Variants in SOX13 observed in about 807,000 individuals in gnomAD.
SOX13 encodes the protein transcription factor SOX-13.
A neutral mutation model predicts 71.8 loss-of-function variants in SOX13; 28 were observed. The observed-to-expected ratio is 0.39, with a 90% CI of 0.29 to 0.53. The LOEUF is 0.53. Among genes scored for constraint, SOX13 ranks in the 20% least tolerant of loss-of-function variants. SOX13 has a pLI of 0.70. For missense variants in SOX13, 627 were observed against 810.3 expected, an observed-to-expected ratio of 0.77 and a Z score of 2.75; for synonymous variants, 309 against 317.8, an observed-to-expected ratio of 0.97 and a Z score of 0.29.
At chr1:204,088,359 A>G (rs1656067812) in intron 1 of SOX13, among the ~76,000 whole-genome samples, 1 of 152,138 alleles carries the variant, frequency 6.6e-6, no homozygotes, top group Non-Finnish European at 1.5e-5. Flanking sequence ...ATGACTCCCT[A>G]CGTAGCCTTG....
rs1358256515 is a variant in SOX13 at position 204,107,439 on chromosome 1, C to T, written c.-1-5476C>T. ...ACAGAGCAGTGACCACATAATGACC[C>T]CTCTCTTTCCATCTCACTGCCTTTC... On this transcript the variant is annotated intron_variant, in intron 1 of 13. Transcript: ENST00000367204. 2.0e-5 allele frequency among the ~76,000 whole-genome samples: 3 copies of T among 152,162 alleles called. No individual in the cohort carries two copies. In the East Asian group the frequency reaches 5.8e-4, roughly 29 times the overall value.
At chr1:204,112,500 T>TACACACACACACAC (rs1558218651) in intron 1 of SOX13, among the ~76,000 whole-genome samples, 10 of 51,520 alleles carry the variant, frequency 1.9e-4, no homozygotes, top group African/African-American at 4.7e-4. Flanking sequence ...CACACATGCG[T>TACACACACACACAC]GCACACACAC....
At chr1:204,092,964 G>T (rs1359017343) in intron 1 of SOX13, among the ~76,000 whole-genome samples, 1 of 152,258 alleles carries the variant, frequency 6.6e-6, no homozygotes, top group African/African-American at 2.4e-5. Context: ...ACATTAGAAG[G>T]GTCACATGAG....
intron 1 of SOX13, among the ~76,000 whole-genome samples, chr1:204,100,268 A>G (rs1656333583): frequency 6.6e-6 from 1 of 152,256 alleles, no homozygotes; most frequent in African/African-American, 2.4e-5. Context: ...GTCAGTGCCC[A>G]TGACTCCCTT....
intron 1 of SOX13, among the ~76,000 whole-genome samples, chr1:204,099,891 C>G (rs1231106834): frequency 1.3e-5 from 2 of 152,174 alleles, no homozygotes; most frequent in African/African-American, 2.4e-5. Flanking sequence ...CCTATAACCT[C>G]AGCATTTTGG....
rs896081192 is a variant in SOX13, at chr1:204,081,574, T to C, written c.-2+7863T>C. On this transcript the variant is annotated intron_variant, in intron 1 of 13. Transcript: ENST00000367204. The surrounding 1 kb of genome is among the most constrained non-coding windows in gnomAD (Gnocchi z 4.3). The stretch of plus-strand genomic sequence containing the variant: ...GCCTGGGACTCATGGGGCCTCCTGC[T>C]TTGGCCCTGGCGCCTAGGAAAGGCT... 4.6e-5 allele frequency among the ~76,000 whole-genome samples: 7 copies of C among 152,066 alleles called. No individual in the cohort carries two copies. Among genetic ancestry groups the C allele is most frequent in the Non-Finnish European group, 1.0e-4 (7 of 67,988 alleles).
chr1:204,098,266 T>C (rs1265046595), intron 1 of SOX13, among the ~76,000 whole-genome samples: 2 of 151,948 alleles, frequency 1.3e-5, no homozygotes, highest in African/African-American at 4.8e-5. Context: ...TCACCTGAGG[T>C]CAGGAGTTCG....
In SOX13 at chr1:204,113,146, C is replaced by T. The variant is rs544504183; in HGVS notation, c.219+12C>T. The T allele has an allele frequency of 3.8e-5, 58 of 1,521,420 alleles. No individual in the cohort carries two copies. Among genetic ancestry groups the T allele is most frequent in the Non-Finnish European group, 4.7e-5 (53 of 1,131,586 alleles). The allele number at this position is 1,521,420 out of a possible 1,614,324, so 94.2% of individuals were successfully genotyped here. Reference sequence around the variant, plus strand: ...TCAGGGGCTCCTGGGTCAGTGTCCCCGCCCTGCCTCCATCCTCACACCCAT... The same window carrying T: ...TCAGGGGCTCCTGGGTCAGTGTCCCTGCCCTGCCTCCATCCTCACACCCAT... On this transcript the variant is annotated intron_variant, in intron 2 of 13. Transcript: ENST00000367204.
In SOX13 at chr1:204,093,225, G is replaced by A. The variant is rs866439846; in HGVS notation, c.-2+19514G>A. On this transcript the variant is annotated intron_variant, in intron 1 of 13. Coordinates refer to ENST00000367204, the MANE Select transcript of SOX13 (RefSeq NM_005686.3). ...CTCGAATGCTAGCTGTAGGTAGGGC[G>A]TTCCCAGGTGTGACTGAAATGACAG... is the stretch of plus-strand genomic sequence containing the variant. Among the ~76,000 whole-genome samples the A allele has an allele frequency of 5.9e-5, 9 of 152,272 alleles. No homozygotes were observed. In the South Asian group the frequency reaches 6.2e-4, roughly 11 times the overall value.
intron 1 of SOX13, among the ~76,000 whole-genome samples, chr1:204,086,873 G>A (rs546605791): frequency 6.6e-6 from 1 of 152,074 alleles, no homozygotes; most frequent in African/African-American, 2.4e-5. Context: ...TCCGAAGCCT[G>A]TCTGGGCCTT....
chr1:204,118,689 G>A (rs570412056), intron 7 of SOX13: 1 of 152,306 alleles, frequency 6.6e-6, no homozygotes, highest in Admixed American at 6.5e-5. Flanking sequence ...TCACACTCTT[G>A]TCCCTGCCTA....
chr1:204,111,923 A>G (rs1656587526), intron 1 of SOX13, among the ~76,000 whole-genome samples: 1 of 152,130 alleles, frequency 6.6e-6, no homozygotes, highest in South Asian at 2.1e-4. Flanking sequence ...AGAAGACTAT[A>G]TGTCTTATAT....
chr1:204,121,496 G>A (rs1345994901), intron 7 of SOX13, among the ~76,000 whole-genome samples: 1 of 152,212 alleles, frequency 6.6e-6, no homozygotes, highest in Non-Finnish European at 1.5e-5. Context: ...CACATACCAT[G>A]TATTATTGTC....
chr1:204,099,212 G>T (rs759670037), intron 1 of SOX13, among the ~76,000 whole-genome samples: 1 of 152,170 alleles, frequency 6.6e-6, no homozygotes, highest in Non-Finnish European at 1.5e-5. Flanking sequence ...CTACTCACTG[G>T]CTATGACCTT....
intron 7 of SOX13, among the ~76,000 whole-genome samples, chr1:204,121,064 C>T (rs1245663507): frequency 6.6e-6 from 1 of 151,366 alleles, no homozygotes; most frequent in African/African-American, 2.4e-5. Context: ...ACTGCAACCT[C>T]CGCCTCCTGG....
At chr1:204,117,097 T>C (rs1656710096) in intron 5 of SOX13, 25 bp from the exon 6 acceptor site, 24 of 1,612,944 alleles carry the variant, frequency 1.5e-5, no homozygotes, top group Non-Finnish European at 2.0e-5. Flanking sequence ...CGTGACCCCC[T>C]CTGCCTACTC....
intron 1 of SOX13, among the ~76,000 whole-genome samples, chr1:204,099,028 C>CT (rs1459097067): frequency 1.3e-5 from 2 of 152,218 alleles, no homozygotes; most frequent in East Asian, 3.8e-4. Flanking sequence ...GCCTGGTTCC[C>CT]TTGACTTCCA....
rs546552209 is a variant in SOX13, at chr1:204,104,153, T to C, written c.-1-8762T>C. Among the ~76,000 whole-genome samples, 26 of 152,324 alleles carry C rather than the reference T, an allele frequency of 1.7e-4. No homozygotes were observed. The East Asian group carries it at 5.0e-3, about 29-fold the overall frequency. On this transcript the variant is annotated intron_variant, in intron 1 of 13. Transcript: ENST00000367204. ...CTGAGGTGCTGTGGGGAAGTGCCTC[T>C]TCTCCCATGCTTGGGAGTTGACCCA...
chr1:204,085,823 CA>C (rs1022747250), intron 1 of SOX13, among the ~76,000 whole-genome samples: 2 of 151,274 alleles, frequency 1.3e-5, no homozygotes, highest in East Asian at 1.9e-4. Flanking sequence ...AAAAAAAATA[CA>C]AAAAAATTAG....
Sources: gnomAD v4.1 joint callset for allele counts (sites outside exome capture counted in the v4.1 genomes callset) on GRCh38, gnomAD v4.1.1 for gene constraint, Gnocchi (gnomAD v3.1) non-coding constraint, MANE v1.5 for transcripts, NCBI Gene and HGNC (gene_info 2026-07-23, HGNC 2026-07-21) for gene names.